Variants in FBXL20 observed in about 807,000 individuals in gnomAD.
FBXL20 encodes the protein F-box and leucine rich repeat protein 20.
FBXL20 carries 11 observed loss-of-function variants against 64.0 expected under a neutral mutation model. The observed-to-expected ratio is 0.17, with a 90% CI of 0.11 to 0.28. FBXL20 has a LOEUF of 0.28. Among genes scored for constraint, FBXL20 ranks in the 10% least tolerant of loss-of-function variants. The pLI is 1.00. For missense variants in FBXL20, 303 were observed against 526.2 expected (o/e 0.58, Z 4.15); for synonymous variants, 184 against 189.0 (o/e 0.97, Z 0.22).
At chr17:39,304,866 C>T (rs1466737267) in intron 2 of FBXL20, among the ~76,000 whole-genome samples, 3 of 152,060 alleles carry the variant, frequency 2.0e-5, no homozygotes, top group African/African-American at 7.2e-5. Flanking sequence ...AAGTGGTTGT[C>T]GTGCCTCAGC....
intron 2 of FBXL20, among the ~76,000 whole-genome samples, chr17:39,315,630 C>T (rs913706761): frequency 1.3e-5 from 2 of 151,722 alleles, no homozygotes; most frequent in South Asian, 4.2e-4. Context: ...TACTGGGATA[C>T]AAGCAGGGTG....
intron 1 of FBXL20, among the ~76,000 whole-genome samples, chr17:39,392,881 T>C (rs1025426659): frequency 6.6e-6 from 1 of 151,142 alleles, no homozygotes; most frequent in African/African-American, 2.4e-5. Flanking sequence ...GGGGTAGTGG[T>C]GCATGCCTGT....
At chr17:39,345,132 T>C (rs1365942725) in intron 1 of FBXL20, among the ~76,000 whole-genome samples, 1 of 152,136 alleles carries the variant, frequency 6.6e-6, no homozygotes, top group Non-Finnish European at 1.5e-5. Context: ...TTGCAGAAAT[T>C]CCTCTTAAGG....
At chr17:39,319,810 C>T (rs1354567940) in intron 2 of FBXL20, among the ~76,000 whole-genome samples, 1 of 151,638 alleles carries the variant, frequency 6.6e-6, no homozygotes, top group African/African-American at 2.4e-5. Context: ...GACCGGGTCT[C>T]GCTGTTGCCC....
intron 1 of FBXL20, 112 bp from the exon 2 acceptor site, chr17:39,343,353 G>A (rs1176223247): frequency 3.5e-5 from 23 of 657,152 alleles, no homozygotes; most frequent in South Asian, 3.2e-4. Context: ...AATATAGTCG[G>A]CATCATAAAC....
intron 4 of FBXL20, among the ~76,000 whole-genome samples, chr17:39,299,723 G>C (rs114503296): frequency 0.011 from 1,617 of 152,174 alleles, 27 homozygotes; most frequent in African/African-American, 0.037. Flanking sequence ...GGAGCTTGTA[G>C]TGAGCCCAGG....
upstream of FBXL20, chr17:39,402,253 G>A: frequency 8.5e-7 from 1 of 1,170,190 alleles, no homozygotes; most frequent in East Asian, 3.4e-5. Context: ...CTAGATTGGG[G>A]CAGTGCGGCT....
At chr17:39,356,294 T>C (rs1597816655) in intron 1 of FBXL20, among the ~76,000 whole-genome samples, 1 of 151,844 alleles carries the variant, frequency 6.6e-6, no homozygotes, top group Non-Finnish European at 1.5e-5. Flanking sequence ...TTAATTATCA[T>C]ATGTGGTATG....
intron 5 of FBXL20, among the ~76,000 whole-genome samples, chr17:39,298,705 C>T (rs949375012): frequency 6.6e-6 from 1 of 151,970 alleles, no homozygotes; most frequent in African/African-American, 2.4e-5. Flanking sequence ...TAGTGTGAGA[C>T]CTTGTCTCAA....
rs2047308592 is a variant in FBXL20, at chr17:39,317,693, TTTTTTTTG to T, written c.105-14062_105-14055del. Among the ~76,000 whole-genome samples, 6 of 65,576 alleles carry T rather than the reference TTTTTTTTG, an allele frequency of 9.1e-5. No homozygotes were observed. In the African/African-American group the frequency reaches 9.2e-4, roughly 10 times the overall value. 43.0% of individuals were successfully genotyped at this position (65,576 alleles called of 152,430 possible). Reference sequence around the variant, plus strand: ...TTTGACTTTGTTTTTTTTTTTGTTTTTTTTTTTGTTTTTTTTTTTTTTTTTTGAGACGG... The same window carrying T: ...TTTGACTTTGTTTTTTTTTTTGTTTTTTTTTTTTTTTTTTTTTTGAGACGG... On this transcript the variant is annotated intron_variant, in intron 2 of 14. Transcript: ENST00000264658.
At chr17:39,303,550 A>AGG in intron 3 of FBXL20, 35 bp downstream of exon 3, 3 of 1,579,292 alleles carry the variant, frequency 1.9e-6, no homozygotes, top group Non-Finnish European at 2.6e-6. Context: ...AGTATGAAGA[A>AGG]GGGGTCCCCC....
Position 39,362,016 on chromosome 17 carries a change from G to C in FBXL20, c.43-18775C>G, listed in dbSNP as rs145981543. ...AAAAAAAAATGCCCTGGCCAGGCAT[G>C]GTGGCTGATACCTGTAATCCCAGCA... On this transcript the variant is annotated intron_variant, in intron 1 of 14. Transcript: ENST00000264658. Among the ~76,000 whole-genome samples, 487 of 151,396 alleles carry C rather than the reference G, an allele frequency of 3.2e-3. 2 individuals carry two copies. The highest frequency in any genetic ancestry group is 0.011 in the African/African-American group (466 of 41,316).
chr17:39,286,710 A>C (rs2144401277), intron 6 of FBXL20, among the ~76,000 whole-genome samples: 1 of 151,776 alleles, frequency 6.6e-6, no homozygotes, highest in Admixed American at 6.6e-5. Context: ...AGGCAGAAGA[A>C]TGGCTTGAGC....
At chr17:39,302,793 A>C (rs2047149434) in intron 3 of FBXL20, among the ~76,000 whole-genome samples, 1 of 152,182 alleles carries the variant, frequency 6.6e-6, no homozygotes, top group Non-Finnish European at 1.5e-5. Flanking sequence ...TATAGGTGTG[A>C]ACCACCAGGC....
intron 14 of FBXL20, among the ~76,000 whole-genome samples, chr17:39,262,720 C>T (rs965756394): frequency 2.6e-5 from 4 of 151,544 alleles, no homozygotes; most frequent in Admixed American, 6.6e-5. Context: ...CTTTTTCGGC[C>T]GGGCGCAGTG....
chr17:39,317,673 C>CTTTTT (rs1567877307), intron 2 of FBXL20, among the ~76,000 whole-genome samples: 1 of 108,456 alleles, frequency 9.2e-6, no homozygotes, highest in African/African-American at 4.0e-5. Flanking sequence ...GAGAGTTTGA[C>CTTTTT]TTTGTTTTTT....
chr17:39,392,609 C>G (rs1480063619), intron 1 of FBXL20, among the ~76,000 whole-genome samples: 1 of 152,110 alleles, frequency 6.6e-6, no homozygotes, highest in East Asian at 1.9e-4. Flanking sequence ...TTTTAGTTTT[C>G]TTTTTGCCTG....
intron 2 of FBXL20, among the ~76,000 whole-genome samples, chr17:39,310,117 C>T (rs893275414): frequency 8.7e-5 from 13 of 149,646 alleles, no homozygotes; most frequent in Admixed American, 7.4e-4. Flanking sequence ...CGCCCCACTG[C>T]ACTCCAGTGA....
chr17:39,355,926 A>G (rs996448421), intron 1 of FBXL20, among the ~76,000 whole-genome samples: 3 of 151,242 alleles, frequency 2.0e-5, no homozygotes, highest in African/African-American at 7.3e-5. Flanking sequence ...CTATGTTTTA[A>G]AAGTTTTGGG....
Sources: gnomAD v4.1 joint callset for allele counts (sites outside exome capture counted in the v4.1 genomes callset) on GRCh38, gnomAD v4.1.1 for gene constraint, MANE v1.5 for transcripts, NCBI Gene and HGNC (gene_info 2026-07-23, HGNC 2026-07-21) for gene names.